The following HERC1 variants were observed in gnomAD, a reference collection of about 807,000 sequenced individuals.
HERC1 encodes the protein HECT and RLD domain containing E3 ubiquitin protein ligase family member 1, also known as probable E3 ubiquitin-protein ligase HERC1.
A neutral mutation model predicts 554.3 loss-of-function variants in HERC1; 160 were observed. The observed-to-expected ratio is 0.29, with a 90% CI of 0.25 to 0.33. The LOEUF is 0.33. Among genes scored for constraint, HERC1 ranks in the 10% least tolerant of loss-of-function variants. The probability of loss-of-function intolerance (pLI) is 1.00; values close to 1 mark genes in which losing one functional copy is unlikely to be tolerated. For missense variants in HERC1, 4,919 were observed against 5,918.5 expected (o/e 0.83, Z 5.54); for synonymous variants, 2,175 against 2,131.7 (o/e 1.02, Z -0.56).
At chr15:63,648,003 A>C in intron 55 of HERC1, 66 bp downstream of exon 55, 1 of 1,267,158 alleles carries the variant, frequency 7.9e-7, no homozygotes, top group Non-Finnish European at 1.1e-6. Flanking sequence ...TCCACTGTGT[A>C]ATCTATGCAT....
intron 71 of HERC1, 63 bp from the exon 72 acceptor site, chr15:63,624,390 T>C: frequency 7.0e-7 from 1 of 1,431,568 alleles, no homozygotes; most frequent in Non-Finnish European, 9.5e-7. Context: ...ATAACAATTT[T>C]CACTTATAGA....
At chr15:63,631,663 C>T (rs941420084) in intron 68 of HERC1, among the ~76,000 whole-genome samples, 5 of 152,206 alleles carry the variant, frequency 3.3e-5, no homozygotes, top group African/African-American at 1.2e-4. Context: ...GCCTCAGCGT[C>T]CCGAGTAGCT....
intron 42 of HERC1, among the ~76,000 whole-genome samples, chr15:63,665,598 C>T (rs182368415): frequency 1.3e-5 from 2 of 152,242 alleles, no homozygotes; most frequent in Admixed American, 1.3e-4. Context: ...AATGAATACT[C>T]GATTTTATAT....
At chr15:63,648,578 T>C (rs779745573) in intron 54 of HERC1, among the ~76,000 whole-genome samples, 13 of 152,224 alleles carry the variant, frequency 8.5e-5, no homozygotes, top group Non-Finnish European at 1.8e-4. Flanking sequence ...GAAAATTACA[T>C]CTCTTTTTTT....
chr15:63,777,244 C>A (rs1253118182), intron 1 of HERC1, among the ~76,000 whole-genome samples: 1 of 152,196 alleles, frequency 6.6e-6, no homozygotes, highest in African/African-American at 2.4e-5. Context: ...TCTGATGACA[C>A]TTGCCTTCAC....
At chr15:63,633,563 TCTAA>T (rs1235631919) in intron 67 of HERC1, among the ~76,000 whole-genome samples, 1 of 152,236 alleles carries the variant, frequency 6.6e-6, no homozygotes, top group Admixed American at 6.5e-5. Context: ...GAGATATGTT[TCTAA>T]CTATTTCTTC....
At position 63,758,039 on chromosome 15, in the gene HERC1, C is replaced by A. The variant is rs535038005; in HGVS notation, c.1221+136G>T. The stretch of plus-strand genomic sequence containing the variant: ...TATTTTTCTATTAAAATGAAAAAAA[C>A]TAATGCAGTATATAGACCAGAAATA... On this transcript the variant is annotated intron_variant, in intron 4 of 77. Transcript: ENST00000443617. This position sits in a 1 kb window ranked among gnomAD's most constrained non-coding sequence, Gnocchi z 4.0. 1.6e-5 allele frequency: 10 copies of A among 629,402 alleles called. No individual in the cohort carries two copies. The highest frequency in any genetic ancestry group is 4.5e-4 in the Middle Eastern group (1 of 2,240). The allele number at this position is 629,402 out of a possible 1,614,324, so 39.0% of individuals were successfully genotyped here. A position where few individuals can be genotyped will look rare whatever the true frequency, so the allele number is the denominator to read the frequency against.
At chr15:63,662,880 CTTTTTAGAGTG>C in intron 44 of HERC1, 93 bp downstream of exon 44, 2 of 814,970 alleles carry the variant, frequency 2.5e-6, no homozygotes, top group Non-Finnish European at 3.9e-6. Flanking sequence ...AGATAAAAGA[CTTTTTAGAGTG>C]TTTCAACTCT....
At chr15:63,822,877 T>C (rs922472126) in intron 1 of HERC1, among the ~76,000 whole-genome samples, 3 of 151,946 alleles carry the variant, frequency 2.0e-5, no homozygotes, top group African/African-American at 7.2e-5. Flanking sequence ...TTAAAGGGTA[T>C]AAAGAAAAAA....
At chr15:63,828,792 G>C (rs984929705) in intron 1 of HERC1, among the ~76,000 whole-genome samples, 3 of 152,130 alleles carry the variant, frequency 2.0e-5, no homozygotes, top group African/African-American at 4.8e-5. Flanking sequence ...TAATGCATTA[G>C]GGATGAATAA....
At chr15:63,633,799 T>C in intron 67 of HERC1, 49 bp downstream of exon 67, 1 of 1,579,702 alleles carries the variant, frequency 6.3e-7, no homozygotes, top group Non-Finnish European at 8.6e-7. Flanking sequence ...CTGACATAGA[T>C]GAAAACTATT....
In HERC1 at chr15:63,733,149, A is replaced by C. The variant is rs376932970; in HGVS notation, c.2647-4T>G. 1 of 1,594,274 alleles carries C rather than the reference A, an allele frequency of 6.3e-7. No individual in the cohort carries two copies. Among genetic ancestry groups the C allele is most frequent in the Non-Finnish European group, 8.6e-7 (1 of 1,161,972 alleles). On this transcript the variant is annotated splice_region_variant and splice_polypyrimidine_tract_variant and intron_variant, in intron 13 of 77. Transcript: ENST00000443617. ...GGATGATATCCAGTTGCATTCTCTA[A>C]AGAACAATAAAATAGGAACAAGTAA...
intron 25 of HERC1, among the ~76,000 whole-genome samples, chr15:63,704,503 A>G (rs1420218834): frequency 6.6e-6 from 1 of 152,186 alleles, no homozygotes; most frequent in Non-Finnish European, 1.5e-5. Flanking sequence ...GTAAGTCTGG[A>G]GCCATTTTCT....
chr15:63,743,127 T>A (rs146994508), intron 12 of HERC1, among the ~76,000 whole-genome samples: 175 of 152,248 alleles, frequency 1.1e-3, no homozygotes, highest in Middle Eastern at 3.4e-3. Flanking sequence ...TTCATGAGAT[T>A]TTTCTTTAAG....
intron 1 of HERC1, among the ~76,000 whole-genome samples, chr15:63,800,031 G>A (rs951976823): frequency 2.4e-4 from 37 of 152,056 alleles, no homozygotes; most frequent in African/African-American, 8.7e-4. Context: ...CTACTGGGGA[G>A]GCTGAGGCAG....
At chr15:63,812,842 A>C (rs2077373408) in intron 1 of HERC1, among the ~76,000 whole-genome samples, 2 of 152,300 alleles carry the variant, frequency 1.3e-5, no homozygotes, top group South Asian at 4.1e-4. Flanking sequence ...AATAGATGGA[A>C]AGACATGCCA....
intron 45 of HERC1, 80 bp downstream of exon 45, chr15:63,661,673 C>G (rs1005803141): frequency 7.0e-7 from 1 of 1,428,294 alleles, no homozygotes; most frequent in African/African-American, 1.4e-5. Context: ...TAACTCCTCA[C>G]GTGAAAAATC....
At chr15:63,820,198 T>C (rs2077637879) in intron 1 of HERC1, among the ~76,000 whole-genome samples, 1 of 152,156 alleles carries the variant, frequency 6.6e-6, no homozygotes, top group African/African-American at 2.4e-5. Flanking sequence ...GCTAGTGTTA[T>C]TCCTTTATAT....
At chr15:63,808,305 A>G (rs1402843527) in intron 1 of HERC1, among the ~76,000 whole-genome samples, 1 of 152,140 alleles carries the variant, frequency 6.6e-6, no homozygotes, top group East Asian at 1.9e-4. Context: ...CTTTCCTCAA[A>G]GAAACAGGGT....
Sources: allele counts gnomAD v4.1 joint callset (sites outside exome capture counted in the v4.1 genomes callset), GRCh38; gene constraint gnomAD v4.1.1; non-coding constraint Gnocchi (gnomAD v3.1); transcripts MANE v1.5; gene names NCBI Gene and HGNC (gene_info 2026-07-23, HGNC 2026-07-21).